Variants in ARSJ observed in about 807,000 individuals in gnomAD.
The protein encoded by ARSJ is arylsulfatase family member J, also known as arylsulfatase J.
A neutral mutation model predicts 35.9 loss-of-function variants in ARSJ; 26 were observed. The ratio of observed to expected loss-of-function variants is 0.72; its 90% CI spans 0.53 to 1.00. The LOEUF (loss-of-function observed/expected upper bound fraction) is 1.00. Ranked by LOEUF, ARSJ falls within the 50% of genes least tolerant of loss-of-function variation. The pLI is 0.00. For missense variants in ARSJ, 667 were observed against 723.6 expected (o/e 0.92, Z 0.90); for synonymous variants, 294 against 267.6 (o/e 1.10, Z -0.96).
chr4:113,939,434 GATGGCTGGGTCAA>G (rs996140689), intron 1 of ARSJ, among the ~76,000 whole-genome samples: 3 of 151,898 alleles, frequency 2.0e-5, no homozygotes, highest in Non-Finnish European at 4.4e-5. Flanking sequence ...CCAGTAATGG[GATGGCTGGGTCAA>G]ATGGTATTTC....
intron 1 of ARSJ, among the ~76,000 whole-genome samples, chr4:113,924,076 A>AATATATATATATATATATATATATAT (rs1164333093): frequency 1.0e-5 from 1 of 95,730 alleles, no homozygotes; most frequent in African/African-American, 4.8e-5. Context: ...AATATATATA[A>AATATATATATATATATATATATATAT]ATATATATAT....
intron 1 of ARSJ, among the ~76,000 whole-genome samples, chr4:113,939,497 C>T (rs965881886): frequency 1.3e-5 from 2 of 152,152 alleles, no homozygotes; most frequent in African/African-American, 4.8e-5. Flanking sequence ...CTGACTTCCA[C>T]AAGGGTTGAA....
intron 1 of ARSJ, among the ~76,000 whole-genome samples, chr4:113,964,922 A>G (rs1316577042): frequency 3.3e-5 from 5 of 152,126 alleles, no homozygotes; most frequent in Non-Finnish European, 2.9e-5. Context: ...CTAATTGTTA[A>G]TATTTGTTAG....
intron 1 of ARSJ, among the ~76,000 whole-genome samples, chr4:113,913,746 A>AT (rs1188392456): frequency 6.6e-6 from 1 of 152,142 alleles, no homozygotes; most frequent in Admixed American, 6.5e-5. Context: ...ATGTAAAATT[A>AT]TTTTTAAACA....
Position 113,966,433 on chromosome 4 carries a change from T to G in ARSJ, c.398+12004A>C, listed in dbSNP as rs111569547. 7.5e-3 allele frequency among the ~76,000 whole-genome samples: 1,137 copies of G among 152,232 alleles called. 11 individuals are homozygous for G. The highest frequency in any genetic ancestry group is 0.026 in the African/African-American group (1,064 of 41,558). On this transcript the variant is annotated intron_variant, in intron 1 of 1. Coordinates refer to ENST00000315366, the MANE Select transcript of ARSJ (RefSeq NM_024590.4). ...AAAGTGGCTTGGGGAGGCATGGGTC[T>G]TTTGACTGATGCATCTATCTCAATG...
At chr4:113,922,149 C>T (rs1723723429) in intron 1 of ARSJ, among the ~76,000 whole-genome samples, 1 of 152,130 alleles carries the variant, frequency 6.6e-6, no homozygotes, top group Admixed American at 6.6e-5. Context: ...CTCTAATTCT[C>T]TTCCCAAGGG....
In ARSJ at chr4:113,936,566, A is replaced by T. The variant is rs994430684; in HGVS notation, c.399-32891T>A. On this transcript the variant is annotated intron_variant, in intron 1 of 1. Transcript: ENST00000315366. ...GAATGAAAAATAGTGAACTAAGTTT[A>T]AAAAAAATTTAGTTCTACTTTTTGT... Among the ~76,000 whole-genome samples, 3 of 151,764 alleles carry T rather than the reference A, an allele frequency of 2.0e-5. No individual in the cohort carries two copies. In the East Asian group the frequency reaches 5.8e-4, roughly 29 times the overall value.
intron 1 of ARSJ, among the ~76,000 whole-genome samples, chr4:113,949,561 A>G (rs561822130): frequency 6.6e-6 from 1 of 152,192 alleles, no homozygotes; most frequent in East Asian, 1.9e-4. Flanking sequence ...CCCAGTGAAC[A>G]AGGACTAGCC....
chr4:113,941,582 A>G (rs762639614), intron 1 of ARSJ, among the ~76,000 whole-genome samples: 1 of 152,012 alleles, frequency 6.6e-6, no homozygotes. Flanking sequence ...ATGTGCTGTT[A>G]AAAATTACAA....
Position 113,930,541 on chromosome 4 carries a change from G to A in ARSJ, c.399-26866C>T, listed in dbSNP as rs184796873. ...CACCCCATATTAACCATCACAATAAGCATTCAATAATTGGTAGTTTTTGCT... is the reference window on the plus strand; with the variant it reads ...CACCCCATATTAACCATCACAATAAACATTCAATAATTGGTAGTTTTTGCT... On this transcript the variant is annotated intron_variant, in intron 1 of 1. Transcript: ENST00000315366. Among the ~76,000 whole-genome samples, 232 of 152,106 alleles carry A rather than the reference G, an allele frequency of 1.5e-3. 5 individuals carry two copies. The highest frequency in any genetic ancestry group is 2.6e-4 in the Non-Finnish European group (18 of 67,980).
intron 1 of ARSJ, among the ~76,000 whole-genome samples, chr4:113,968,587 A>G (rs1727040215): frequency 6.6e-6 from 1 of 152,220 alleles, no homozygotes; most frequent in Non-Finnish European, 1.5e-5. Flanking sequence ...TTAGAAGGAA[A>G]CAGGAAAATG....
intron 1 of ARSJ, among the ~76,000 whole-genome samples, chr4:113,969,590 G>A (rs982188215): frequency 1.3e-5 from 2 of 152,126 alleles, no homozygotes; most frequent in Admixed American, 1.3e-4. Context: ...TAACTTTTAA[G>A]ATTGGTAAGT....
At chr4:113,965,760 G>C (rs1047650303) in intron 1 of ARSJ, among the ~76,000 whole-genome samples, 3 of 151,964 alleles carry the variant, frequency 2.0e-5, no homozygotes, top group African/African-American at 7.2e-5. Context: ...TTAAACTATA[G>C]AGTTACAAAG....
At chr4:113,945,897 GGTTGTTGACA>G (rs1725446475) in intron 1 of ARSJ, among the ~76,000 whole-genome samples, 1 of 151,970 alleles carries the variant, frequency 6.6e-6, no homozygotes, top group South Asian at 2.1e-4. Flanking sequence ...CAACAATCTT[GGTTGTTGACA>G]GGATTCCTGA....
intron 1 of ARSJ, among the ~76,000 whole-genome samples, chr4:113,952,452 CT>C (rs1390891901): frequency 1.3e-5 from 2 of 152,008 alleles, no homozygotes; most frequent in African/African-American, 4.8e-5. Flanking sequence ...TTTTATGAGT[CT>C]TCAATGAATG....
chr4:113,941,951 G>A (rs1310035713), intron 1 of ARSJ, among the ~76,000 whole-genome samples: 1 of 151,962 alleles, frequency 6.6e-6, no homozygotes, highest in African/African-American at 2.4e-5. Context: ...AGGTTCAGGG[G>A]TAGAGGGTGG....
chr4:113,920,293 T>C (rs149161544), intron 1 of ARSJ, among the ~76,000 whole-genome samples: 90 of 152,244 alleles, frequency 5.9e-4, no homozygotes, highest in African/African-American at 2.0e-3. Flanking sequence ...AGGTAATAGG[T>C]ACAGATGAGC....
At chr4:113,974,274 G>C (rs911897649) in intron 1 of ARSJ, among the ~76,000 whole-genome samples, 4 of 151,420 alleles carry the variant, frequency 2.6e-5, no homozygotes, top group African/African-American at 9.7e-5. Flanking sequence ...TGGATTACAA[G>C]AAAATTAAAA....
intron 1 of ARSJ, among the ~76,000 whole-genome samples, chr4:113,923,499 G>A (rs1723811564): frequency 6.6e-6 from 1 of 152,088 alleles, no homozygotes; most frequent in African/African-American, 2.4e-5. Flanking sequence ...ACTGAAAGTT[G>A]TAAACAAGTT....
Sources: gnomAD v4.1 joint callset for allele counts (sites outside exome capture counted in the v4.1 genomes callset) on GRCh38, gnomAD v4.1.1 for gene constraint, MANE v1.5 for transcripts, NCBI Gene and HGNC (gene_info 2026-07-23, HGNC 2026-07-21) for gene names.